The following MALRD1 variants were observed in gnomAD, a reference collection of about 807,000 sequenced individuals.
MALRD1 encodes MAM and LDL-receptor class A domain-containing protein 1.
A neutral mutation model predicts 242.1 loss-of-function variants in MALRD1; 247 were observed. The ratio of observed to expected loss-of-function variants is 1.02; its 90% CI spans 0.92 to 1.13. The LOEUF (loss-of-function observed/expected upper bound fraction) is 1.13. MALRD1 is among the 50% of genes most tolerant of loss of function. The pLI is 0.00. For synonymous variants in MALRD1, 995 were observed against 866.6 expected (o/e 1.15, Z -2.60); for missense variants, 2,989 against 2,533.1 (o/e 1.18, Z -3.86).
At chr10:19,363,882 T>A (rs1161088074) in intron 26 of MALRD1, among the ~76,000 whole-genome samples, 1 of 152,022 alleles carries the variant, frequency 6.6e-6, no homozygotes, top group Non-Finnish European at 1.5e-5. Context: ...ATTTCTGTGG[T>A]TGAGGACTGA....
rs1309901328 is a variant in MALRD1 at position 19,324,002 on chromosome 10, G to C, written c.3473G>C (p.Gly1158Ala). 1 of 1,550,818 alleles carries C rather than the reference G, an allele frequency of 6.4e-7. No individual in the cohort carries two copies. The highest frequency in any genetic ancestry group is 8.7e-7 in the Non-Finnish European group (1 of 1,146,952). ...GCTGACAGTTCTAATGGGAAATTTG[G>C]TGACACGGCTGACATTCTCACTCCT... Reference protein sequence around the residue: ...LYADSSNGKFGDTADILTPII... With the variant: ...LYADSSNGKFADTADILTPII... Residue 1158 changes from glycine to alanine, a missense_variant, in exon 22 of 40, where the codon GGT becomes GCT. By Grantham distance (60) the Gly-to-Ala change is moderately conservative. Coordinates refer to ENST00000454679, the MANE Select transcript of MALRD1 (RefSeq NM_001142308.3).
At chr10:19,118,385 A>G (rs368350393) in intron 5 of MALRD1, among the ~76,000 whole-genome samples, 13 of 152,202 alleles carry the variant, frequency 8.5e-5, no homozygotes, top group Admixed American at 4.6e-4. Context: ...ATATCAATCA[A>G]TGAATGCAAG....
At chr10:19,126,371 T>C (rs1837283372) in intron 7 of MALRD1, among the ~76,000 whole-genome samples, 1 of 152,166 alleles carries the variant, frequency 6.6e-6, no homozygotes, top group Non-Finnish European at 1.5e-5. Context: ...TCACACTCCA[T>C]AACCTGACTC....
intron 28 of MALRD1, among the ~76,000 whole-genome samples, chr10:19,402,363 A>C (rs1846897526): frequency 6.6e-6 from 1 of 152,124 alleles, no homozygotes; most frequent in Admixed American, 6.6e-5. Flanking sequence ...CCAGGTGGAG[A>C]TCATTGAATC....
chr10:19,063,440 G>C lies in MALRD1; in HGVS notation c.200-3279G>C, dbSNP rs116408520. Among the ~76,000 whole-genome samples the C allele has an allele frequency of 2.8e-3, 427 of 152,178 alleles. 1 individual carries two copies. Among genetic ancestry groups the C allele is most frequent in the African/African-American group, 8.7e-3 (360 of 41,524 alleles). On this transcript the variant is annotated intron_variant, in intron 1 of 39. Transcript: ENST00000454679. ...GTTAATCCTGAGTTCTGGATTATCT[G>C]AGTTTCTTCACCATTACTACAATGA...
chr10:19,418,082 G>T (rs1833579745), intron 28 of MALRD1, among the ~76,000 whole-genome samples: 1 of 151,876 alleles, frequency 6.6e-6, no homozygotes, highest in African/African-American at 2.4e-5. Context: ...TAATATCGAT[G>T]ATCCCATATG....
intron 28 of MALRD1, among the ~76,000 whole-genome samples, chr10:19,431,767 G>A (rs1341496485): frequency 6.6e-6 from 1 of 152,064 alleles, no homozygotes; most frequent in Non-Finnish European, 1.5e-5. Context: ...CAAGTGAGCT[G>A]AGTTATGTCC....
intron 15 of MALRD1, 127 bp downstream of exon 15, chr10:19,204,007 A>G: frequency 2.6e-6 from 3 of 1,159,898 alleles, no homozygotes; most frequent in Non-Finnish European, 2.5e-6. Flanking sequence ...AATATTGTCA[A>G]TTACAGTTAT....
intron 19 of MALRD1, among the ~76,000 whole-genome samples, chr10:19,265,113 T>C (rs1390180267): frequency 6.6e-6 from 1 of 152,138 alleles, no homozygotes; most frequent in Non-Finnish European, 1.5e-5. Flanking sequence ...TGATTTTATT[T>C]ATTTGGGTCT....
chr10:19,425,328 T>TA, intron 28 of MALRD1, among the ~76,000 whole-genome samples: 1 of 152,334 alleles, frequency 6.6e-6, no homozygotes, highest in East Asian at 1.9e-4. Flanking sequence ...CTTCTTCCCT[T>TA]TATTCATCAT....
chr10:19,088,275 C>T (rs1835743837), intron 4 of MALRD1, 90 bp downstream of exon 4: 1 of 1,138,198 alleles, frequency 8.8e-7, no homozygotes, highest in African/African-American at 1.6e-5. Flanking sequence ...AGGCAACTGT[C>T]CCAGTTTGCC....
intron 31 of MALRD1, among the ~76,000 whole-genome samples, chr10:19,528,274 C>T (rs1012086863): frequency 2.6e-5 from 4 of 152,162 alleles, no homozygotes; most frequent in African/African-American, 9.7e-5. Flanking sequence ...CAATAATTCT[C>T]AGACAAAGTT....
chr10:19,525,331 C>T (rs1404346978), intron 31 of MALRD1, among the ~76,000 whole-genome samples: 1 of 151,952 alleles, frequency 6.6e-6, no homozygotes, highest in Non-Finnish European at 1.5e-5. Flanking sequence ...TAGCTAATCA[C>T]ATCTAAAAGA....
chr10:19,340,799 A>C (rs978060683), intron 24 of MALRD1, among the ~76,000 whole-genome samples: 40 of 152,124 alleles, frequency 2.6e-4, no homozygotes, highest in African/African-American at 8.9e-4. Flanking sequence ...TAGCAGTGCA[A>C]AATTTAGCAT....
chr10:19,306,098 C>CTATATATACTATATATACTATATACTATA (rs1564546822), intron 21 of MALRD1, among the ~76,000 whole-genome samples: 1 of 101,162 alleles, frequency 9.9e-6, no homozygotes, highest in Non-Finnish European at 1.8e-5. Context: ...ATACTATATA[C>CTATATATACTATATATACTATATACTATA]TAGATAGTAT....
At chr10:19,481,133 A>G (rs1836977661) in intron 29 of MALRD1, among the ~76,000 whole-genome samples, 1 of 152,152 alleles carries the variant, frequency 6.6e-6, no homozygotes, top group African/African-American at 2.4e-5. Context: ...TTCAGCATGC[A>G]CCTTGCCTCT....
intron 32 of MALRD1, among the ~76,000 whole-genome samples, chr10:19,564,358 T>A (rs576542564): frequency 7.9e-4 from 120 of 152,294 alleles, no homozygotes; most frequent in African/African-American, 2.4e-3. Context: ...TATGTTTAAA[T>A]TTAGCAAGTT....
chr10:19,252,495 A>AAT (rs1839336548), intron 18 of MALRD1, among the ~76,000 whole-genome samples: 1 of 152,114 alleles, frequency 6.6e-6, no homozygotes, highest in Non-Finnish European at 1.5e-5. Flanking sequence ...GAAGAAATAC[A>AAT]ATATAATGCC....
intron 21 of MALRD1, among the ~76,000 whole-genome samples, chr10:19,300,303 T>C (rs528255254): frequency 5.9e-5 from 9 of 152,122 alleles, no homozygotes; most frequent in Non-Finnish European, 1.0e-4. Context: ...AAAGCAATTA[T>C]AGATTTAATG....
Sources: gnomAD v4.1 joint callset for allele counts (sites outside exome capture counted in the v4.1 genomes callset) on GRCh38, gnomAD v4.1.1 for gene constraint, MANE v1.5 for transcripts, NCBI Gene and HGNC (gene_info 2026-07-23, HGNC 2026-07-21) for gene names.